Variants in SCAND3 observed in about 807,000 individuals in gnomAD.
SCAND3 encodes SCAN domain-containing protein 3.
At chr6:28,574,845 A>G in the SCAND3 span, 2 of 1,614,044 alleles carry the variant, frequency 1.2e-6, no homozygotes. Flanking sequence ...GGATATTTCC[A>G]TCACATGATA....
At chr6:28,597,618 A>G in the SCAND3 span, 1 of 152,250 alleles carries the variant, frequency 6.6e-6, no homozygotes, top group Non-Finnish European at 1.5e-5. Flanking sequence ...TACTTGGCAC[A>G]TATCAAACGA....
At chr6:28,598,384 G>GTTTTT in the SCAND3 span, among the ~76,000 whole-genome samples, 1 of 151,992 alleles carries the variant, frequency 6.6e-6, no homozygotes, top group African/African-American at 2.4e-5. Context: ...GTTTTGTTTT[G>GTTTTT]TATTGTTTGT....
chr6:28,575,930 C>T, the SCAND3 span: 1 of 1,613,728 alleles, frequency 6.2e-7, no homozygotes, highest in East Asian at 2.2e-5. This position sits in a 1 kb window ranked among gnomAD's most constrained non-coding sequence, Gnocchi z 4.2. Flanking sequence ...TTAGCTTTAG[C>T]TTCTTTCACT....
At chr6:28,573,499 C>G in the SCAND3 span, 1 of 1,613,896 alleles carries the variant, frequency 6.2e-7, no homozygotes, top group Admixed American at 1.7e-5. Flanking sequence ...ACTACTCTTT[C>G]TTTCAAAGAA....
At chr6:28,593,791 A>G in the SCAND3 span, 2 of 152,062 alleles carry the variant, frequency 1.3e-5, no homozygotes, top group Non-Finnish European at 2.9e-5. Flanking sequence ...CTCAGCCTCA[A>G]CCTCCTGGGC....
chr6:28,572,605 T>C, the SCAND3 span: 1 of 1,614,054 alleles, frequency 6.2e-7, no homozygotes, highest in Non-Finnish European at 8.5e-7. This position sits in a 1 kb window ranked among gnomAD's most constrained non-coding sequence, Gnocchi z 4.1. Flanking sequence ...CCAATTCACA[T>C]CTTTAAAAAG....
chr6:28,575,990 T>C, the SCAND3 span: 5 of 1,613,856 alleles, frequency 3.1e-6, no homozygotes, highest in Non-Finnish European at 4.2e-6. The surrounding 1 kb of genome is among the most constrained non-coding windows in gnomAD (Gnocchi z 4.2). Context: ...TTAGTATTAT[T>C]ACTTTTGTTT....
chr6:28,576,267 C>T, the SCAND3 span: 7 of 707,430 alleles, frequency 9.9e-6, no homozygotes, highest in Admixed American at 1.5e-4. Context: ...ATACCATTTT[C>T]TTTCTTTTTT....
chr6:28,582,988 T>C, the SCAND3 span, among the ~76,000 whole-genome samples: 1 of 151,852 alleles, frequency 6.6e-6, no homozygotes, highest in Non-Finnish European at 1.5e-5. The surrounding 1 kb of genome is among the most constrained non-coding windows in gnomAD (Gnocchi z 4.8). Flanking sequence ...ATATAAGACA[T>C]TAATAAATCT....
chr6:28,580,777 T>C, the SCAND3 span, among the ~76,000 whole-genome samples: 1 of 151,836 alleles, frequency 6.6e-6, no homozygotes, highest in African/African-American at 2.4e-5. Flanking sequence ...TGCTGAATTA[T>C]TCACTGACTC....
the SCAND3 span, among the ~76,000 whole-genome samples, chr6:28,594,900 G>A: frequency 6.6e-6 from 1 of 152,106 alleles, no homozygotes; most frequent in African/African-American, 2.4e-5. Flanking sequence ...GGGAGTTGGG[G>A]AAGGAATAGA....
chr6:28,596,863 G>A, the SCAND3 span, among the ~76,000 whole-genome samples: 1 of 152,120 alleles, frequency 6.6e-6, no homozygotes, highest in African/African-American at 2.4e-5. Flanking sequence ...TTAGCAAAGA[G>A]TAAAAATTTC....
At chr6:28,575,580 G>A in the SCAND3 span, 1 of 1,613,908 alleles carries the variant, frequency 6.2e-7, no homozygotes, top group Non-Finnish European at 8.5e-7. This position sits in a 1 kb window ranked among gnomAD's most constrained non-coding sequence, Gnocchi z 4.2. Flanking sequence ...GATCTACTTG[G>A]CATCTTGAAC....
the SCAND3 span, among the ~76,000 whole-genome samples, chr6:28,600,319 AC>A: frequency 6.6e-6 from 1 of 152,202 alleles, no homozygotes; most frequent in South Asian, 2.1e-4. Context: ...TCAACATCAT[AC>A]GTCACTAGGG....
chr6:28,583,477 T>C, the SCAND3 span, among the ~76,000 whole-genome samples: 1 of 152,218 alleles, frequency 6.6e-6, no homozygotes, highest in African/African-American at 2.4e-5. Flanking sequence ...ACATTTGATG[T>C]TATATTCTTC....
At chr6:28,594,792 C>T in the SCAND3 span, among the ~76,000 whole-genome samples, 1 of 151,994 alleles carries the variant, frequency 6.6e-6, no homozygotes, top group Non-Finnish European at 1.5e-5. Flanking sequence ...AAGAAAAATA[C>T]TTCATGATCT....
chr6:28,572,956 C>T, the SCAND3 span: 3 of 1,613,868 alleles, frequency 1.9e-6, no homozygotes, highest in Non-Finnish European at 2.5e-6. This position sits in a 1 kb window ranked among gnomAD's most constrained non-coding sequence, Gnocchi z 4.1. Flanking sequence ...AGAATGTTTT[C>T]CTGTCATTGA....
At chr6:28,602,082 C>A in the SCAND3 span, among the ~76,000 whole-genome samples, 1 of 152,132 alleles carries the variant, frequency 6.6e-6, no homozygotes, top group Non-Finnish European at 1.5e-5. Flanking sequence ...GAAAGAAAGA[C>A]TCACTGAAAG....
the SCAND3 span, among the ~76,000 whole-genome samples, chr6:28,579,864 T>C: frequency 8.2e-4 from 124 of 151,894 alleles, 2 homozygotes; most frequent in South Asian, 0.023. The surrounding 1 kb of genome is among the most constrained non-coding windows in gnomAD (Gnocchi z 4.5). Flanking sequence ...CTGGCCAACA[T>C]GGAGAAACCC....
Sources: allele counts gnomAD v4.1 joint callset (sites outside exome capture counted in the v4.1 genomes callset), GRCh38; gene constraint gnomAD v4.1.1; non-coding constraint Gnocchi (gnomAD v3.1); transcripts MANE v1.5; gene names NCBI Gene and HGNC (gene_info 2026-07-23, HGNC 2026-07-21).